CLVS1: variants seen among roughly 807,000 people sequenced by gnomAD.
CLVS1 encodes clavesin 1.
Under a neutral mutation model 33.1 loss-of-function variants are expected in CLVS1, and 10 were observed. The ratio of observed to expected loss-of-function variants is 0.30; its 90% CI spans 0.19 to 0.51. The LOEUF (loss-of-function observed/expected upper bound fraction) is 0.51. Ranked by LOEUF, CLVS1 falls within the 20% of genes least tolerant of loss-of-function variation. CLVS1 has a pLI of 0.97. For missense variants in CLVS1, 343 were observed against 433.4 expected, an observed-to-expected ratio of 0.79 and a Z score of 1.85; for synonymous variants, 163 against 166.1, an observed-to-expected ratio of 0.98 and a Z score of 0.14.
intron 1 of CLVS1, among the ~76,000 whole-genome samples, chr8:61,094,325 G>T (rs532398310): frequency 2.0e-5 from 3 of 152,250 alleles, no homozygotes; most frequent in East Asian, 3.9e-4. Flanking sequence ...GACGCTGGGG[G>T]TGCTCATGTG....
Position 61,256,286 on chromosome 8 carries a change from G to A in CLVS1, c.-151-43391G>A, listed in dbSNP as rs1052600630. ...TCCCAGCACCTTGGGAGGCCGAAGC[G>A]GGCAGATCACGATGTCAGGAGATCA... On this transcript the variant is annotated intron_variant, in intron 2 of 2. Transcript: ENST00000522621. Among the ~76,000 whole-genome samples, 23 of 152,292 alleles carry A rather than the reference G, an allele frequency of 1.5e-4. No individual in the cohort carries two copies. The East Asian group carries it at 1.5e-3, about 10-fold the overall frequency.
At chr8:61,476,672 GC>G (rs1355218933) in intron 5 of CLVS1, among the ~76,000 whole-genome samples, 4 of 152,302 alleles carry the variant, frequency 2.6e-5, no homozygotes, top group African/African-American at 9.6e-5. Flanking sequence ...TGCTGAAGTT[GC>G]TTATCAACTT....
At chr8:60,965,984 G>A in the CLVS1 span, 1 of 168,612 alleles carries the variant, frequency 5.9e-6, no homozygotes, top group African/African-American at 2.4e-5. Flanking sequence ...GCTAAGTTTT[G>A]TATTTTTAGT....
intron 2 of CLVS1, among the ~76,000 whole-genome samples, chr8:61,195,996 G>C (rs1807599067): frequency 1.3e-5 from 2 of 152,058 alleles, no homozygotes; most frequent in Admixed American, 1.3e-4. Flanking sequence ...TTGGGTTTCA[G>C]CTTCTTTTTC....
chr8:61,344,499 G>A (rs1261528150), intron 2 of CLVS1, among the ~76,000 whole-genome samples: 1 of 152,164 alleles, frequency 6.6e-6, no homozygotes, highest in South Asian at 2.1e-4. Flanking sequence ...GCTCAAAATG[G>A]CAGGGTTAGA....
chr8:61,350,438 C>G (rs1386903315), intron 2 of CLVS1, among the ~76,000 whole-genome samples: 2 of 152,116 alleles, frequency 1.3e-5, no homozygotes, highest in Non-Finnish European at 2.9e-5. Flanking sequence ...TCAGAACATA[C>G]TTTTCTCCTT....
At chr8:61,273,336 C>G (rs974031427) in intron 2 of CLVS1, among the ~76,000 whole-genome samples, 1 of 152,198 alleles carries the variant, frequency 6.6e-6, no homozygotes, top group Non-Finnish European at 1.5e-5. Context: ...CTTGAGGAGG[C>G]AGTCTGCCCG....
chr8:61,405,994 A>G (rs1443378736), intron 3 of CLVS1, among the ~76,000 whole-genome samples: 2 of 152,238 alleles, frequency 1.3e-5, no homozygotes. Flanking sequence ...GTCAAAGTCT[A>G]TAAAAATACT....
chr8:61,194,711 A>T (rs561563521), intron 2 of CLVS1, among the ~76,000 whole-genome samples: 1 of 151,976 alleles, frequency 6.6e-6, no homozygotes, highest in South Asian at 2.1e-4. Flanking sequence ...GTATTTATGT[A>T]TATAAATTCA....
chr8:61,365,774 T>TGC (rs754914122), intron 2 of CLVS1, among the ~76,000 whole-genome samples: 17 of 134,596 alleles, frequency 1.3e-4, no homozygotes, highest in Admixed American at 2.1e-4. Context: ...TGTGTGTGTG[T>TGC]GCGTGTGTGT....
intron 2 of CLVS1, among the ~76,000 whole-genome samples, chr8:61,324,595 G>C (rs1244906627): frequency 6.6e-6 from 1 of 152,118 alleles, no homozygotes; most frequent in African/African-American, 2.4e-5. Flanking sequence ...GTAGAGGTTG[G>C]AACAGTTTGG....
At chr8:61,440,910 G>A (rs1816516404) in intron 3 of CLVS1, among the ~76,000 whole-genome samples, 1 of 152,098 alleles carries the variant, frequency 6.6e-6, no homozygotes, top group Admixed American at 6.5e-5. Flanking sequence ...TTTCTAATGA[G>A]TGCATTCTCT....
intron 5 of CLVS1, among the ~76,000 whole-genome samples, chr8:61,491,992 C>T (rs576420125): frequency 1.2e-4 from 18 of 152,244 alleles, no homozygotes; most frequent in Middle Eastern, 3.4e-3. Context: ...AGTTTGAGAA[C>T]TAAATGAGCT....
chr8:61,128,668 A>T (rs1358222033), intron 1 of CLVS1, among the ~76,000 whole-genome samples: 2 of 152,204 alleles, frequency 1.3e-5, no homozygotes, highest in Admixed American at 1.3e-4. Context: ...TGCTTGGGTC[A>T]GGTTTGACAT....
chr8:61,073,519 T>C (rs917407586), intron 1 of CLVS1, among the ~76,000 whole-genome samples: 32 of 152,338 alleles, frequency 2.1e-4, no homozygotes, highest in African/African-American at 7.2e-4. Flanking sequence ...GTTTGTTCAT[T>C]CACTTATTCT....
chr8:61,411,071 A>AT (rs1262817746), intron 3 of CLVS1, among the ~76,000 whole-genome samples: 1 of 152,184 alleles, frequency 6.6e-6, no homozygotes, highest in African/African-American at 2.4e-5. Context: ...TGGGGGACCT[A>AT]TATCTGCATT....
chr8:61,311,374 C>T (rs1810826201), intron 2 of CLVS1, among the ~76,000 whole-genome samples: 2 of 152,150 alleles, frequency 1.3e-5, no homozygotes, highest in Admixed American at 6.5e-5. Context: ...TCTCTAATTC[C>T]ACTTCATCCA....
the CLVS1 span, among the ~76,000 whole-genome samples, chr8:61,041,336 T>C: frequency 6.6e-6 from 1 of 152,174 alleles, no homozygotes; most frequent in East Asian, 1.9e-4. Context: ...AAATGAATAT[T>C]AGAATAGTTT....
chr8:61,109,931 C>T (rs1805596994), intron 1 of CLVS1, among the ~76,000 whole-genome samples: 1 of 152,152 alleles, frequency 6.6e-6, no homozygotes, highest in Non-Finnish European at 1.5e-5. Flanking sequence ...CTTGGACTTC[C>T]TAGGCTCCAG....
Sources: gnomAD v4.1 joint callset for allele counts (sites outside exome capture counted in the v4.1 genomes callset) on GRCh38, gnomAD v4.1.1 for gene constraint, MANE v1.5 for transcripts, NCBI Gene and HGNC (gene_info 2026-07-23, HGNC 2026-07-21) for gene names.